Variants in NCALD observed in about 807,000 individuals in gnomAD.
NCALD encodes neurocalcin delta.
NCALD carries 10 observed loss-of-function variants against 18.6 expected under a neutral mutation model. That is an observed-to-expected ratio of 0.54 (90% confidence interval 0.33 to 0.91). The LOEUF is 0.91. NCALD is among the 40% of genes least tolerant of loss of function. NCALD has a pLI of 0.03. For synonymous variants in NCALD, 88 were observed against 87.4 expected (o/e 1.01, Z -0.04); for missense variants, 184 against 247.6 (o/e 0.74, Z 1.72).
intron 1 of NCALD, among the ~76,000 whole-genome samples, chr8:102,073,593 T>G (rs1438304139): frequency 6.6e-6 from 1 of 152,172 alleles, no homozygotes; most frequent in Non-Finnish European, 1.5e-5. Flanking sequence ...TATATATTAT[T>G]TTTAAAGCTA....
At chr8:101,850,392 G>A (rs1268395413) in intron 4 of NCALD, among the ~76,000 whole-genome samples, 1 of 152,144 alleles carries the variant, frequency 6.6e-6, no homozygotes, top group Admixed American at 6.5e-5. Context: ...AGTAAATGAT[G>A]AGAGAAAAAG....
intron 2 of NCALD, among the ~76,000 whole-genome samples, chr8:101,696,188 T>TCATC (rs1372015058): frequency 6.6e-6 from 1 of 152,206 alleles, no homozygotes; most frequent in East Asian, 1.9e-4. Flanking sequence ...GACTGCCTCT[T>TCATC]CATCCATCCA....
intron 1 of NCALD, among the ~76,000 whole-genome samples, chr8:102,024,047 T>A (rs567634032): frequency 5.9e-5 from 9 of 152,336 alleles, no homozygotes; most frequent in African/African-American, 2.2e-4. Flanking sequence ...CTGAATCTAA[T>A]CCTTGTTGCT....
At chr8:101,762,812 T>C (rs1296307123) in intron 1 of NCALD, among the ~76,000 whole-genome samples, 1 of 152,056 alleles carries the variant, frequency 6.6e-6, no homozygotes, top group African/African-American at 2.4e-5. Flanking sequence ...GACCTTGTGA[T>C]CCACCCGCCT....
intron 3 of NCALD, chr8:101,691,556 C>G (rs940133248): frequency 2.0e-6 from 2 of 985,368 alleles, no homozygotes; most frequent in Non-Finnish European, 2.4e-6. Flanking sequence ...CCCTTGAGTA[C>G]CAGTAAAACC....
At chr8:101,808,625 C>G (rs1813194867) in intron 4 of NCALD, among the ~76,000 whole-genome samples, 1 of 152,172 alleles carries the variant, frequency 6.6e-6, no homozygotes, top group African/African-American at 2.4e-5. Context: ...GTGGTAGCTT[C>G]CAGAATTTTC....
chr8:101,969,034 G>T (rs575497149), intron 2 of NCALD, among the ~76,000 whole-genome samples: 1 of 152,250 alleles, frequency 6.6e-6, no homozygotes, highest in Non-Finnish European at 1.5e-5. Flanking sequence ...AGCTTTCATT[G>T]GTTCAGCCTT....
intron 1 of NCALD, among the ~76,000 whole-genome samples, chr8:102,097,890 C>T (rs1014627695): frequency 2.6e-5 from 4 of 152,228 alleles, no homozygotes; most frequent in African/African-American, 9.6e-5. Context: ...CCCACCCTCA[C>T]CAGCAGCCAA....
At chr8:101,929,654 A>AG (rs1818498877) in intron 2 of NCALD, among the ~76,000 whole-genome samples, 1 of 84,498 alleles carries the variant, frequency 1.2e-5, no homozygotes, top group African/African-American at 4.8e-5. Context: ...GGAGGGAGGG[A>AG]GGAAGGAAGG....
chr8:101,886,181 G>A (rs1397540286), intron 4 of NCALD, among the ~76,000 whole-genome samples: 3 of 152,178 alleles, frequency 2.0e-5, no homozygotes, highest in Non-Finnish European at 4.4e-5. Flanking sequence ...TGGAATAAAA[G>A]CTTTTCACTT....
At chr8:102,042,464 A>T (rs1216073642) in intron 1 of NCALD, among the ~76,000 whole-genome samples, 1 of 151,874 alleles carries the variant, frequency 6.6e-6, no homozygotes, top group Non-Finnish European at 1.5e-5. Context: ...ATCCTAAAGC[A>T]GGTGATACAC....
chr8:102,079,104 G>A (rs924674034), intron 1 of NCALD, among the ~76,000 whole-genome samples: 11 of 152,138 alleles, frequency 7.2e-5, no homozygotes, highest in African/African-American at 2.4e-4. Context: ...GTCATTTCCT[G>A]CTGCAGTACC....
chr8:102,052,625 T>C (rs575265996), intron 1 of NCALD, among the ~76,000 whole-genome samples: 1 of 152,374 alleles, frequency 6.6e-6, no homozygotes, highest in East Asian at 1.9e-4. Flanking sequence ...GTTTCCAAAA[T>C]GGACAAAGCT....
intron 2 of NCALD, among the ~76,000 whole-genome samples, chr8:102,009,059 A>T (rs1420798920): frequency 4.6e-5 from 7 of 152,166 alleles, no homozygotes; most frequent in African/African-American, 1.4e-4. Flanking sequence ...GGTAATTTTT[A>T]AAAAATATCT....
chr8:101,957,122 G>A (rs1263183342), intron 2 of NCALD, among the ~76,000 whole-genome samples: 3 of 151,576 alleles, frequency 2.0e-5, no homozygotes. Flanking sequence ...ATCTAGTTCT[G>A]GCATACCATA....
chr8:101,869,885 A>G (rs925366582), intron 4 of NCALD, among the ~76,000 whole-genome samples: 4 of 152,224 alleles, frequency 2.6e-5, no homozygotes, highest in African/African-American at 7.2e-5. Flanking sequence ...TCCAATCATG[A>G]TAAACTAGAT....
intron 4 of NCALD, among the ~76,000 whole-genome samples, chr8:101,853,603 AGAAG>A (rs1441915849): frequency 6.6e-6 from 1 of 152,220 alleles, no homozygotes; most frequent in Non-Finnish European, 1.5e-5. Context: ...CCTGTGGACA[AGAAG>A]AAACAAATGA....
At chr8:101,841,498 G>A (rs1814641588) in intron 4 of NCALD, among the ~76,000 whole-genome samples, 3 of 152,130 alleles carry the variant, frequency 2.0e-5, no homozygotes, top group South Asian at 4.1e-4. Flanking sequence ...CCCATTAGGT[G>A]CCAATAGCAA....
At chr8:101,754,045 G>A (rs1481814364) in intron 1 of NCALD, among the ~76,000 whole-genome samples, 1 of 152,138 alleles carries the variant, frequency 6.6e-6, no homozygotes, top group Non-Finnish European at 1.5e-5. Flanking sequence ...GCATGTCAGA[G>A]CCTGTGAAGT....
Sources: gnomAD v4.1 joint callset for allele counts (sites outside exome capture counted in the v4.1 genomes callset) on GRCh38, gnomAD v4.1.1 for gene constraint, MANE v1.5 for transcripts, NCBI Gene and HGNC (gene_info 2026-07-23, HGNC 2026-07-21) for gene names.